Variants in TRIM72 observed in about 807,000 individuals in gnomAD.
TRIM72 encodes the protein tripartite motif-containing protein 72.
Under a neutral mutation model 31.6 loss-of-function variants are expected in TRIM72, and 33 were observed. That is an observed-to-expected ratio of 1.04 (90% CI 0.79 to 1.40). TRIM72 has a LOEUF of 1.40. TRIM72 is among the 40% of genes most tolerant of loss of function. TRIM72 has a pLI of 0.00. For synonymous variants in TRIM72, 301 were observed against 314.4 expected (o/e 0.96, Z 0.45); for missense variants, 666 against 682.7 (o/e 0.98, Z 0.27).
chr16:31,230,748 A>C lies in TRIM72; in HGVS notation c.*5993A>C, dbSNP rs769352699. The C allele has an allele frequency of 3.1e-5, 4 of 127,370 alleles. No individual in the cohort carries two copies. Among genetic ancestry groups the C allele is most frequent in the Non-Finnish European group, 5.2e-5 (3 of 58,028 alleles). 7.9% of individuals were successfully genotyped at this position (127,370 alleles called of 1,614,324 possible). On this transcript the variant is annotated 3_prime_UTR_variant, in exon 7 of 7. Transcript: ENST00000322122. Reference sequence around the variant, plus strand: ...CTCAAAAAAAAAAAAAAAAAAAGGTAACCGGACTCTTTGTTCAGGGCTCAG... The same window carrying C: ...CTCAAAAAAAAAAAAAAAAAAAGGTCACCGGACTCTTTGTTCAGGGCTCAG...
Position 31,214,757 on chromosome 16 carries a change from C to A in TRIM72, c.19C>A (p.Leu7Ile). Residue 7 changes from leucine to isoleucine, a missense_variant, in exon 2 of 7, where the codon CTC becomes ATC. Coordinates refer to ENST00000322122, the MANE Select transcript of TRIM72 (RefSeq NM_001008274.4). The stretch of plus-strand genomic sequence containing the variant: ...GCCCGCCATGTCGGCTGCGCCCGGC[C>A]TCCTGCACCAGGAGCTGTCCTGCCC... MSAAPG[L>I]LHQELSCPLC... The A allele has an allele frequency of 6.3e-7, 1 of 1,576,696 alleles. No homozygotes were observed. Among genetic ancestry groups the A allele is most frequent in the South Asian group, 1.1e-5 (1 of 89,058 alleles).
chr16:31,216,808 C>G lies in TRIM72; in HGVS notation c.390+1680C>G. ...GGCCTCCTCCAACATGCGCATGTCG[C>G]GCAGCACGGCCACGACGAGCTCGGC... On this transcript the variant is annotated intron_variant, in intron 2 of 6. Coordinates refer to ENST00000322122, the MANE Select transcript of TRIM72 (RefSeq NM_001008274.4). This position sits in a 1 kb window ranked among gnomAD's most constrained non-coding sequence, Gnocchi z 6.7. The G allele has an allele frequency of 6.2e-7, 1 of 1,611,746 alleles. No individual in the cohort carries two copies. Among genetic ancestry groups the G allele is most frequent in the African/African-American group, 1.3e-5 (1 of 75,054 alleles).
chr16:31,214,822 G>A lies in TRIM72; in HGVS notation c.84G>A (p.Glu28=), dbSNP rs2079499223. 6.4e-7 allele frequency: 1 copy of A among 1,565,624 alleles called. No homozygotes were observed. The highest frequency in any genetic ancestry group is 8.6e-7 in the Non-Finnish European group (1 of 1,165,762). ...LQLFDAPVTA[E]CGHSFCRACL... is the part of the protein sequence containing the mutation. ...TGTTCGACGCGCCCGTGACAGCCGA[G>A]TGCGGCCACAGTTTCTGCCGCGCCT... The change falls in exon 2 of 7, where the codon GAG becomes GAA. Residue 28 remains glutamate (E), a synonymous_variant. Transcript: ENST00000322122.
Position 31,215,265 on chromosome 16 carries a change from G to GGGCGGT in TRIM72, c.390+138_390+139insGCGGTG. The GGGCGGT allele has an allele frequency of 7.9e-7, 1 of 1,259,688 alleles. No homozygotes were observed. The highest frequency in any genetic ancestry group is 2.0e-5 in the South Asian group (1 of 50,186). 78.0% of individuals were successfully genotyped at this position (1,259,688 alleles called of 1,614,324 possible). ...CTGGAGTTGCGGGGGGCGGGGGCGG[G>GGGCGGT]GCGAAGCAGCCAGGAAAGAGGGTCT... is the stretch of plus-strand genomic sequence containing the variant. On this transcript the variant is annotated intron_variant, in intron 2 of 6. Coordinates refer to ENST00000322122, the MANE Select transcript of TRIM72 (RefSeq NM_001008274.4). This position sits in a 1 kb window ranked among gnomAD's most constrained non-coding sequence, Gnocchi z 6.3.
Position 31,228,069 on chromosome 16 carries a change from C to G in TRIM72, c.*3314C>G, listed in dbSNP as rs529496719. The G allele has an allele frequency of 6.6e-6, 1 of 152,392 alleles. No individual in the cohort carries two copies. The highest frequency in any genetic ancestry group is 1.5e-5 in the Non-Finnish European group (1 of 68,294). 9.4% of individuals were successfully genotyped at this position (152,392 alleles called of 1,614,324 possible). A position where few individuals can be genotyped will look rare whatever the true frequency, so the allele number is the denominator to read the frequency against. ...GGTTCAAGTGATCCTCCTGCCTCAGCCTCCCGAGTAGCTGGGACTATAGGC... is the reference window on the plus strand; with the variant it reads ...GGTTCAAGTGATCCTCCTGCCTCAGGCTCCCGAGTAGCTGGGACTATAGGC... On this transcript the variant is annotated 3_prime_UTR_variant, in exon 7 of 7. Coordinates refer to ENST00000322122, the MANE Select transcript of TRIM72 (RefSeq NM_001008274.4).
rs1419800661 is a variant in TRIM72 at position 31,225,653 on chromosome 16, T to G, written c.*898T>G. The G allele has an allele frequency of 1.7e-4, 21 of 124,272 alleles. 1 individual carries two copies. Among genetic ancestry groups the G allele is most frequent in the African/African-American group, 6.7e-4 (20 of 30,016 alleles). The allele number at this position is 124,272 out of a possible 1,614,324, so 7.7% of individuals were successfully genotyped here. Reference sequence around the variant, plus strand: ...TTCTTTTTTTTATTTCTTTTTTTTTTTTTTTTTTTTTTTTTTGAGACAGAG... The same window carrying G: ...TTCTTTTTTTTATTTCTTTTTTTTTGTTTTTTTTTTTTTTTTGAGACAGAG... On this transcript the variant is annotated 3_prime_UTR_variant, in exon 7 of 7. Transcript: ENST00000322122.
rs2079561162 is a variant in TRIM72 at position 31,228,576 on chromosome 16, T to A, written c.*3821T>A. 6.5e-6 allele frequency: 1 copy of A among 154,198 alleles called. No homozygotes were observed. Among genetic ancestry groups the A allele is most frequent in the Non-Finnish European group, 1.4e-5 (1 of 71,088 alleles). The allele number at this position is 154,198 out of a possible 1,614,324, so 9.6% of individuals were successfully genotyped here. On this transcript the variant is annotated 3_prime_UTR_variant, in exon 7 of 7. Transcript: ENST00000322122. ...CTGGGGTCTCTGCACCTCCTTTTTTTTTTTTTTTTTTTTGAGATGCAGTCT... is the reference window on the plus strand; with the variant it reads ...CTGGGGTCTCTGCACCTCCTTTTTTATTTTTTTTTTTTTGAGATGCAGTCT...
In TRIM72 at chr16:31,224,727, T is replaced by G; in HGVS notation, c.1406T>G (p.Leu469Arg). ...GGCAAGAATGCCCAGCCGCTGCTGC[T>G]CGTGGGTCCCGAAGGCGCCGAGGCC... Reference protein sequence around the residue: ...DKGKNAQPLLLVGPEGAEA With the variant: ...DKGKNAQPLLRVGPEGAEA The change falls in exon 7 of 7, where the codon CTC becomes CGC. Residue 469 changes from leucine (L) to arginine (R), a missense_variant. Transcript: ENST00000322122. The G allele has an allele frequency of 2.6e-6, 4 of 1,523,116 alleles. No individual in the cohort carries two copies. Among genetic ancestry groups the G allele is most frequent in the Non-Finnish European group, 3.5e-6 (4 of 1,140,142 alleles). The allele number at this position is 1,523,116 out of a possible 1,614,324, so 94.4% of individuals were successfully genotyped here.
At position 31,214,698 on chromosome 16, in the gene TRIM72, C is replaced by T. The variant is rs1328710248; in HGVS notation, c.-7-34C>T. 6 of 1,498,114 alleles carry T rather than the reference C, an allele frequency of 4.0e-6. No homozygotes were observed. The South Asian group carries it at 7.8e-5, about 19-fold the overall frequency. The allele number at this position is 1,498,114 out of a possible 1,614,324, so 92.8% of individuals were successfully genotyped here. On this transcript the variant is annotated intron_variant, in intron 1 of 6. Coordinates refer to ENST00000322122, the MANE Select transcript of TRIM72 (RefSeq NM_001008274.4). ...GGGCTGGGCCGGGAGCGCGGCGCCG[C>T]GGGGTCCCCCTAACCTACTCCTCCT...
chr16:31,216,754 G>T lies in TRIM72; in HGVS notation c.390+1626G>T, dbSNP rs2144189842. 1 of 1,596,942 alleles carries T rather than the reference G, an allele frequency of 6.3e-7. No individual in the cohort carries two copies. The highest frequency in any genetic ancestry group is 8.6e-7 in the Non-Finnish European group (1 of 1,168,504). On this transcript the variant is annotated intron_variant, in intron 2 of 6. Transcript: ENST00000322122. This position sits in a 1 kb window ranked among gnomAD's most constrained non-coding sequence, Gnocchi z 6.7. ...CCGAGATCACGTACCAGCTCAGAGT[G>T]GCCCTCACGCAGCCCGCTGCAGCCG...
At chr16:31,214,351 A>T in intron 1 of TRIM72, 54 bp downstream of exon 1, 1 of 181,076 alleles carries the variant, frequency 5.5e-6, no homozygotes, top group Non-Finnish European at 1.1e-5. Flanking sequence ...ATCTTGGTAA[A>T]GTGAGGGAGG....
At position 31,224,496 on chromosome 16, in the gene TRIM72, A is replaced by C. The variant is rs1409152342; in HGVS notation, c.1175A>C (p.Glu392Ala). 3.4e-5 allele frequency: 51 copies of C among 1,489,148 alleles called. No individual in the cohort carries two copies. The highest frequency in any genetic ancestry group is 3.5e-4 in the Middle Eastern group (2 of 5,738). The allele number at this position is 1,489,148 out of a possible 1,614,324, so 92.2% of individuals were successfully genotyped here. The change falls in exon 7 of 7, where the codon GAG becomes GCG. Residue 392 changes from glutamate (E) to alanine (A), a missense_variant. Coordinates refer to ENST00000322122, the MANE Select transcript of TRIM72 (RefSeq NM_001008274.4). The stretch of plus-strand genomic sequence containing the variant: ...GGGCTGCGCGAGGGCAAGATCCTGG[A>C]GGCACACGTGGAGGCCAAGGAGCCG... The part of the protein sequence containing the change: ...LLGLREGKIL[E>A]AHVEAKEPRA...
rs2079500021 is a variant in TRIM72 at position 31,214,949 on chromosome 16, C to G, written c.211C>G (p.Leu71Val). The stretch of plus-strand genomic sequence containing the variant: ...GCAGGCACTCAGCACCAACCTGCAG[C>G]TGGCGCGCCTGGTGGAGGGGCTGGC... ...RPQALSTNLQ[L>V]ARLVEGLAQV... The change falls in exon 2 of 7, where the codon CTG becomes GTG. Residue 71 changes from leucine (L) to valine (V), a missense_variant. By Grantham distance (32) the Leu-to-Val change is conservative (BLOSUM62 1). Transcript: ENST00000322122. The G allele has an allele frequency of 2.0e-6, 3 of 1,490,034 alleles. No individual in the cohort carries two copies. The highest frequency in any genetic ancestry group is 2.7e-6 in the Non-Finnish European group (3 of 1,128,154). The allele number at this position is 1,490,034 out of a possible 1,614,324, so 92.3% of individuals were successfully genotyped here.
rs904187536 is a variant in TRIM72, at chr16:31,215,364, C to A, written c.390+236C>A. On this transcript the variant is annotated intron_variant, in intron 2 of 6. Coordinates refer to ENST00000322122, the MANE Select transcript of TRIM72 (RefSeq NM_001008274.4). The surrounding 1 kb of genome is among the most constrained non-coding windows in gnomAD (Gnocchi z 6.3). Reference sequence around the variant, plus strand: ...CCTGGCGATAAGGGCGCTGAGCAAACGTAGGTTTCCCGGCCTTAGTCCCTA... The same window carrying A: ...CCTGGCGATAAGGGCGCTGAGCAAAAGTAGGTTTCCCGGCCTTAGTCCCTA... 6.6e-6 allele frequency among the ~76,000 whole-genome samples: 1 copy of A among 152,164 alleles called. No homozygotes were observed. Among genetic ancestry groups the A allele is most frequent in the Non-Finnish European group, 1.5e-5 (1 of 68,028 alleles).
intron 2 of TRIM72, among the ~76,000 whole-genome samples, chr16:31,218,820 A>G (rs1368795742): frequency 6.6e-6 from 1 of 152,198 alleles, no homozygotes; most frequent in Non-Finnish European, 1.5e-5. Context: ...CCACTGCTCC[A>G]GCCAGGGCAA....
rs1349734232 is a variant in TRIM72 at position 31,219,531 on chromosome 16, G to A, written c.717+12G>A. On this transcript the variant is annotated intron_variant, in intron 4 of 6. Coordinates refer to ENST00000322122, the MANE Select transcript of TRIM72 (RefSeq NM_001008274.4). This position sits in a 1 kb window ranked among gnomAD's most constrained non-coding sequence, Gnocchi z 4.2. Reference sequence around the variant, plus strand: ...CTGAGTTCCTCATGGTGAGCACTGGGTGACCCCCCTCCCTGCCTCAGCCCC... The same window carrying A: ...CTGAGTTCCTCATGGTGAGCACTGGATGACCCCCCTCCCTGCCTCAGCCCC... 6.2e-7 allele frequency: 1 copy of A among 1,605,688 alleles called. No individual in the cohort carries two copies. The highest frequency in any genetic ancestry group is 2.2e-5 in the East Asian group (1 of 44,696).
intron 6 of TRIM72, 140 bp downstream of exon 6, chr16:31,223,085 G>A (rs2079541104): frequency 2.9e-6 from 2 of 689,976 alleles, no homozygotes; most frequent in Non-Finnish European, 5.1e-6. Context: ...CTGGACTGCC[G>A]CTGCAGTCCT....
At chr16:31,223,900 C>T (rs532288344) in intron 6 of TRIM72, among the ~76,000 whole-genome samples, 9 of 151,630 alleles carry the variant, frequency 5.9e-5, no homozygotes, top group African/African-American at 1.2e-4. Context: ...AGTGAGACCC[C>T]GCCTCAAAAA....
At chr16:31,218,947 G>A in intron 2 of TRIM72, 148 bp from the exon 3 acceptor site, 1 of 683,916 alleles carries the variant, frequency 1.5e-6, no homozygotes, top group Non-Finnish European at 2.5e-6. Context: ...GGCTGGGGCT[G>A]GGAGGCATGT....
Sources: allele counts gnomAD v4.1 joint callset (sites outside exome capture counted in the v4.1 genomes callset), GRCh38; gene constraint gnomAD v4.1.1; non-coding constraint Gnocchi (gnomAD v3.1); transcripts MANE v1.5; gene names NCBI Gene and HGNC (gene_info 2026-07-23, HGNC 2026-07-21).